The following PDCD6IP variants were observed in gnomAD, a reference collection of about 807,000 sequenced individuals.
PDCD6IP encodes the protein programmed cell death 6-interacting protein.
Under a neutral mutation model 103.7 loss-of-function variants are expected in PDCD6IP, and 43 were observed. The ratio of observed to expected loss-of-function variants is 0.41; its 90% confidence interval spans 0.32 to 0.53. PDCD6IP has a LOEUF of 0.53. Ranked by LOEUF, PDCD6IP falls within the 20% of genes least tolerant of loss-of-function variation. The pLI, the probability that PDCD6IP is intolerant of heterozygous loss-of-function variation, is 0.16. For synonymous variants in PDCD6IP, 354 were observed against 378.7 expected, an observed-to-expected ratio of 0.93 and a Z score of 0.76; for missense variants, 871 against 1,036.7, an observed-to-expected ratio of 0.84 and a Z score of 2.20.
chr3:33,808,861 A>G (rs140207156), intron 1 of PDCD6IP, among the ~76,000 whole-genome samples: 1 of 152,258 alleles, frequency 6.6e-6, no homozygotes, highest in Non-Finnish European at 1.5e-5. Flanking sequence ...TGACTTCATC[A>G]CTTACTATTT....
intron 1 of PDCD6IP, chr3:33,799,227 T>C (rs1696412766): frequency 2.7e-6 from 1 of 374,616 alleles, no homozygotes; most frequent in Non-Finnish European, 4.8e-6. Flanking sequence ...TGATCTCTTT[T>C]GCCACATTTA....
intron 16 of PDCD6IP, among the ~76,000 whole-genome samples, 158 bp from the exon 17 acceptor site, chr3:33,865,085 A>G (rs1486900214): frequency 6.6e-6 from 1 of 152,226 alleles, no homozygotes. Context: ...TTCAACTATG[A>G]TATATTTCTA....
rs1698112151 is a variant in PDCD6IP at position 33,868,370 on chromosome 3, A to T, written c.*1845A>T. On this transcript the variant is annotated 3_prime_UTR_variant, in exon 18 of 18. Transcript: ENST00000307296. ...GGGCACCAAAGAAAAGGGTAAGTGC[A>T]TCTGAGGGCCAAAAGAGATGTATAA... 6.6e-6 allele frequency: 1 copy of T among 152,264 alleles called. No homozygotes were observed. Among genetic ancestry groups the T allele is most frequent in the Admixed American group, 6.5e-5 (1 of 15,278 alleles). 9.4% of individuals were successfully genotyped at this position (152,264 alleles called of 1,614,324 possible). A position where few individuals can be genotyped will look rare whatever the true frequency, so the allele number is the denominator to read the frequency against.
chr3:33,807,719 C>T (rs991849451), intron 1 of PDCD6IP, among the ~76,000 whole-genome samples: 43 of 152,132 alleles, frequency 2.8e-4, no homozygotes, highest in African/African-American at 1.0e-3. Flanking sequence ...CCTGGGCAGC[C>T]GTGTGCCACA....
At chr3:33,856,058 C>T (rs748170554) in intron 15 of PDCD6IP, among the ~76,000 whole-genome samples, 2 of 152,142 alleles carry the variant, frequency 1.3e-5, no homozygotes, top group African/African-American at 2.4e-5. Context: ...GCATTAGATT[C>T]TCATAGGAGC....
In PDCD6IP at chr3:33,864,114, G is replaced by C. The variant is rs779305954; in HGVS notation, c.2229G>C (p.Ala743=). The change falls in exon 16 of 18, where the codon GCG becomes GCC. Residue 743 remains alanine, a synonymous_variant. Coordinates refer to ENST00000307296, the MANE Select transcript of PDCD6IP (RefSeq NM_013374.6). The stretch of plus-strand genomic sequence containing the variant: ...ATGCACCAACTCCTCCAACTCCAGC[G>C]CCAAGAACCATGCCGGTTAGTAGGC... ...GGHAPTPPTP[A]PRTMPPTKPQ... is the part of the protein sequence containing the mutation. 9.4e-6 allele frequency: 15 copies of C among 1,595,070 alleles called. No individual in the cohort carries two copies. The highest frequency in any genetic ancestry group is 1.2e-5 in the Non-Finnish European group (14 of 1,163,130).
At position 33,842,002 on chromosome 3, in the gene PDCD6IP, C is replaced by G. The variant is rs377365754; in HGVS notation, c.1287C>G (p.Gly429=). 15 of 1,608,786 alleles carry G rather than the reference C, an allele frequency of 9.3e-6. No homozygotes were observed. In the African/African-American group the frequency reaches 1.5e-4, roughly 16 times the overall value. ...CCAGATCTGTGATTGAACAGGGAGGCATCCAGACTGTTGATCAGTTGATTA... is the reference window on the plus strand; with the variant it reads ...CCAGATCTGTGATTGAACAGGGAGGGATCCAGACTGTTGATCAGTTGATTA... ...TKSRSVIEQG[G]IQTVDQLIKE... Residue 429 remains glycine (G), a synonymous_variant, in exon 10 of 18, where the codon GGC becomes GGG. Transcript: ENST00000307296.
intron 7 of PDCD6IP, among the ~76,000 whole-genome samples, chr3:33,832,230 T>C (rs1697260298): frequency 6.6e-6 from 1 of 152,120 alleles, no homozygotes; most frequent in South Asian, 2.1e-4. Flanking sequence ...CCTCATATGG[T>C]GAACAGCAGG....
chr3:33,820,420 A>G (rs1575911875), intron 3 of PDCD6IP, among the ~76,000 whole-genome samples: 1 of 152,208 alleles, frequency 6.6e-6, no homozygotes, highest in Non-Finnish European at 1.5e-5. Flanking sequence ...AAAAAATTTC[A>G]CAACATGAAA....
intron 8 of PDCD6IP, among the ~76,000 whole-genome samples, chr3:33,836,687 T>TAA (rs1697356275): frequency 1.5e-5 from 2 of 132,530 alleles, no homozygotes; most frequent in African/African-American, 6.0e-5. Context: ...AAACCCTGTC[T>TAA]CTACCAAAAA....
intron 15 of PDCD6IP, among the ~76,000 whole-genome samples, chr3:33,855,689 C>A (rs150102226): frequency 2.0e-5 from 3 of 152,136 alleles, no homozygotes; most frequent in African/African-American, 7.2e-5. Context: ...AGTTAACATA[C>A]GACTCATTTC....
At chr3:33,838,057 A>G in intron 8 of PDCD6IP, 147 bp from the exon 9 acceptor site, 1 of 692,524 alleles carries the variant, frequency 1.4e-6, no homozygotes, top group Non-Finnish European at 2.5e-6. Flanking sequence ...TGTGCTTTAA[A>G]TAGTGATTTA....
chr3:33,798,691 C>A lies in PDCD6IP; in HGVS notation c.-38C>A. 6.7e-7 allele frequency: 1 copy of A among 1,497,522 alleles called. No homozygotes were observed. Among genetic ancestry groups the A allele is most frequent in the Admixed American group, 2.1e-5 (1 of 47,184 alleles). 92.8% of individuals were successfully genotyped at this position (1,497,522 alleles called of 1,614,324 possible). On this transcript the variant is annotated 5_prime_UTR_variant, in exon 1 of 18. Transcript: ENST00000307296. ...CTCCTCGGCCCTCGTAAGCTGTCCG[C>A]GGTCTGTTTGGCCCGAACGGCGGCG...
intron 8 of PDCD6IP, among the ~76,000 whole-genome samples, chr3:33,836,629 G>C (rs915533050): frequency 1.3e-5 from 2 of 151,526 alleles, no homozygotes; most frequent in South Asian, 2.1e-4. Context: ...GCTGAGATGG[G>C]TAGATTGCTT....
At chr3:33,858,047 AC>A (rs1697867579) in intron 15 of PDCD6IP, among the ~76,000 whole-genome samples, 1 of 152,092 alleles carries the variant, frequency 6.6e-6, no homozygotes, top group Non-Finnish European at 1.5e-5. Flanking sequence ...ACCCAAGAGA[AC>A]CCCAAAACTC....
intron 12 of PDCD6IP, 142 bp from the exon 13 acceptor site, chr3:33,852,346 C>G: frequency 2.9e-6 from 4 of 1,371,048 alleles, no homozygotes; most frequent in Non-Finnish European, 3.8e-6. Flanking sequence ...TCTATATAAA[C>G]CTGACGTTCA....
At chr3:33,810,753 CTG>C (rs1227250683) in intron 1 of PDCD6IP, among the ~76,000 whole-genome samples, 1 of 152,162 alleles carries the variant, frequency 6.6e-6, no homozygotes, top group Non-Finnish European at 1.5e-5. Context: ...TTACCGTGTA[CTG>C]TGATTGTGCT....
intron 4 of PDCD6IP, 82 bp downstream of exon 4, chr3:33,822,164 A>G: frequency 1.4e-6 from 2 of 1,390,320 alleles, no homozygotes; most frequent in Non-Finnish European, 2.0e-6. Context: ...AGGTTTATAG[A>G]TACTTCTTAC....
In PDCD6IP at chr3:33,852,778, A is replaced by G. The variant is rs771861358; in HGVS notation, c.1890+42A>G. On this transcript the variant is annotated intron_variant, in intron 13 of 17. Coordinates refer to ENST00000307296, the MANE Select transcript of PDCD6IP (RefSeq NM_013374.6). ...TAATAAGATCTGTGTTTTAAAAATT[A>G]CAGAAAAGATATGTCTGGACTAAAC... 2.0e-5 allele frequency: 30 copies of G among 1,537,470 alleles called. No homozygotes were observed. In the East Asian group the frequency reaches 3.2e-4, roughly 16 times the overall value.
Sources: gnomAD v4.1 joint callset for allele counts (sites outside exome capture counted in the v4.1 genomes callset) on GRCh38, gnomAD v4.1.1 for gene constraint, MANE v1.5 for transcripts, NCBI Gene and HGNC (gene_info 2026-07-23, HGNC 2026-07-21) for gene names.